PTPRT: variants seen among roughly 807,000 people sequenced by gnomAD.
The protein encoded by PTPRT is protein tyrosine phosphatase receptor type T, also known as receptor-type tyrosine-protein phosphatase T.
Under a neutral mutation model 176.8 loss-of-function variants are expected in PTPRT, and 56 were observed. The ratio of observed to expected loss-of-function variants is 0.32; its 90% confidence interval spans 0.26 to 0.40. The LOEUF (loss-of-function observed/expected upper bound fraction) is 0.40, where lower values mean the gene tolerates loss of function less well. Ranked by LOEUF, PTPRT falls within the 10% of genes least tolerant of loss-of-function variation. PTPRT has a pLI of 1.00. For missense variants in PTPRT, 1,540 were observed against 1,908.2 expected, an observed-to-expected ratio of 0.81 and a Z score of 3.60; for synonymous variants, 783 against 739.0, an observed-to-expected ratio of 1.06 and a Z score of -0.96.
At chr20:42,802,629 A>AT (rs970832567) in intron 2 of PTPRT, among the ~76,000 whole-genome samples, 1 of 152,298 alleles carries the variant, frequency 6.6e-6, no homozygotes, top group Non-Finnish European at 1.5e-5. Flanking sequence ...ACGTAAAGGT[A>AT]TTTTTTTCTT....
chr20:42,294,562 A>G (rs1295058058), intron 12 of PTPRT, among the ~76,000 whole-genome samples: 1 of 152,160 alleles, frequency 6.6e-6, no homozygotes, highest in Non-Finnish European at 1.5e-5. Flanking sequence ...TTCTGAACTG[A>G]GAATCGTATA....
chr20:42,699,317 T>C (rs2075936779), intron 6 of PTPRT, among the ~76,000 whole-genome samples: 1 of 152,138 alleles, frequency 6.6e-6, no homozygotes, highest in Non-Finnish European at 1.5e-5. Context: ...GTTTCTTCCT[T>C]CAAGGCCCTG....
intron 1 of PTPRT, among the ~76,000 whole-genome samples, chr20:43,152,492 C>T (rs982775786): frequency 2.0e-5 from 3 of 152,162 alleles, no homozygotes; most frequent in African/African-American, 7.2e-5. Flanking sequence ...TTCTCTGCCC[C>T]CTGCTAGACT....
At chr20:43,087,470 C>T (rs770050361) in intron 1 of PTPRT, among the ~76,000 whole-genome samples, 7 of 150,272 alleles carry the variant, frequency 4.7e-5, no homozygotes, top group Non-Finnish European at 8.9e-5. Flanking sequence ...TTCAAGTGAT[C>T]CTCCCACATC....
At position 42,184,535 on chromosome 20, in the gene PTPRT, C is replaced by CTTCTTCTTCTTCTTCTTCT. The variant is rs1568652084; in HGVS notation, c.2491+14704_2491+14705insAGAAGAAGAAGAAGAAGAA. Among the ~76,000 whole-genome samples, 88 of 36,634 alleles carry CTTCTTCTTCTTCTTCTTCT rather than the reference C, an allele frequency of 2.4e-3. 4 individuals are homozygous for CTTCTTCTTCTTCTTCTTCT. Among genetic ancestry groups the CTTCTTCTTCTTCTTCTTCT allele is most frequent in the South Asian group, 4.6e-3 (3 of 650 alleles). 24.0% of individuals were successfully genotyped at this position (36,634 alleles called of 152,430 possible). A position where few individuals can be genotyped will look rare whatever the true frequency, so the allele number is the denominator to read the frequency against. ...CTCCTCCTCCTTCTTCTTCTTCTTC[C>CTTCTTCTTCTTCTTCTTCT]TCTTCCTCTTCTTCTTCTTCTTCTT... On this transcript the variant is annotated intron_variant, in intron 16 of 30. Transcript: ENST00000373187.
intron 1 of PTPRT, among the ~76,000 whole-genome samples, chr20:42,890,008 G>A (rs1328691306): frequency 6.6e-6 from 1 of 152,164 alleles, no homozygotes; most frequent in Non-Finnish European, 1.5e-5. Context: ...AACCATTTCA[G>A]GTGCTTTGAT....
At chr20:42,373,302 G>A (rs887748179) in intron 9 of PTPRT, among the ~76,000 whole-genome samples, 3 of 152,206 alleles carry the variant, frequency 2.0e-5, no homozygotes, top group Non-Finnish European at 2.9e-5. Flanking sequence ...AGCCTTGTAA[G>A]TGTCACCAAA....
At chr20:42,438,678 C>T (rs1044458672) in intron 9 of PTPRT, among the ~76,000 whole-genome samples, 2 of 152,176 alleles carry the variant, frequency 1.3e-5, no homozygotes, top group Admixed American at 1.3e-4. Flanking sequence ...TTCACATGTG[C>T]GCAGTGCAGG....
At chr20:43,097,396 T>C (rs2012215292) in intron 1 of PTPRT, among the ~76,000 whole-genome samples, 1 of 152,166 alleles carries the variant, frequency 6.6e-6, no homozygotes, top group African/African-American at 2.4e-5. Context: ...ATGGTGGCCA[T>C]CACAACAAAG....
At chr20:42,369,049 C>T (rs1367249669) in intron 9 of PTPRT, among the ~76,000 whole-genome samples, 1 of 151,174 alleles carries the variant, frequency 6.6e-6, no homozygotes, top group Non-Finnish European at 1.5e-5. Flanking sequence ...TCTCCCCTTC[C>T]CTCCTTCCTT....
At chr20:42,804,685 T>C (rs1202121493) in intron 2 of PTPRT, among the ~76,000 whole-genome samples, 1 of 152,214 alleles carries the variant, frequency 6.6e-6, no homozygotes, top group Admixed American at 6.5e-5. Flanking sequence ...GGTTGGTTCT[T>C]TCTGAGGCCA....
intron 1 of PTPRT, among the ~76,000 whole-genome samples, chr20:43,005,298 T>A (rs946579362): frequency 3.9e-5 from 6 of 152,148 alleles, no homozygotes; most frequent in Non-Finnish European, 8.8e-5. Context: ...CCGCATCTTG[T>A]TGCTTCTTTC....
At chr20:42,151,024 C>T (rs1490165761) in intron 17 of PTPRT, among the ~76,000 whole-genome samples, 1 of 152,180 alleles carries the variant, frequency 6.6e-6, no homozygotes, top group Non-Finnish European at 1.5e-5. Context: ...TGCCCAGAAT[C>T]TTCCATCTTC....
Position 42,543,468 on chromosome 20 carries a change from C to T in PTPRT, c.1154-70906G>A, listed in dbSNP as rs114116754. Among the ~76,000 whole-genome samples the T allele has an allele frequency of 2.8e-3, 426 of 152,200 alleles. 1 individual carries two copies. The highest frequency in any genetic ancestry group is 9.9e-3 in the African/African-American group (413 of 41,546). ...ATATCTTCAGGCTTCATATCTAATT[C>T]TATTTATTTTGCTATTTCCACCACA... On this transcript the variant is annotated intron_variant, in intron 7 of 30. Coordinates refer to ENST00000373187, the MANE Select transcript of PTPRT (RefSeq NM_007050.6).
chr20:43,126,563 T>A (rs2013446976), intron 1 of PTPRT, among the ~76,000 whole-genome samples: 1 of 152,228 alleles, frequency 6.6e-6, no homozygotes, highest in Non-Finnish European at 1.5e-5. Context: ...AGATTTCACC[T>A]GAACTCTGTA....
At chr20:42,288,828 C>A (rs1224834070) in intron 12 of PTPRT, among the ~76,000 whole-genome samples, 2 of 151,942 alleles carry the variant, frequency 1.3e-5, no homozygotes, top group African/African-American at 4.8e-5. Flanking sequence ...GATAGACATA[C>A]AAGTGCATGT....
At chr20:42,505,187 G>C (rs2071822626) in intron 7 of PTPRT, among the ~76,000 whole-genome samples, 1 of 152,066 alleles carries the variant, frequency 6.6e-6, no homozygotes, top group Non-Finnish European at 1.5e-5. Flanking sequence ...AAATATGCCT[G>C]GTAGCATTCA....
rs755992110 is a variant in PTPRT at position 42,102,207 on chromosome 20, C to T, written c.3631G>A (p.Val1211Met). Residue 1211 changes from valine (V) to methionine (M), a missense_variant, in exon 26 of 31, where the codon GTG becomes ATG. Around this residue, in one of 11 missense-constraint regions of PTPRT, gnomAD observed 342 missense variants for 394.0 expected, o/e 0.87. Transcript: ENST00000373187. ...GGCAGGCAGCGGTCCAGAGGCAGCA[C>T]GTCCATACTTCGATTCTTATCATGG... is the stretch of plus-strand genomic sequence containing the variant. ...RNHDKNRSMD[V>M]LPLDRCLPFL... 17 of 1,614,184 alleles carry T rather than the reference C, an allele frequency of 1.1e-5. No individual in the cohort carries two copies. Among genetic ancestry groups the T allele is most frequent in the Middle Eastern group, 3.3e-4 (2 of 6,060 alleles).
chr20:42,170,287 T>G (rs1990022421), intron 16 of PTPRT, among the ~76,000 whole-genome samples: 1 of 152,248 alleles, frequency 6.6e-6, no homozygotes, highest in African/African-American at 2.4e-5. Flanking sequence ...ACTTGCTGCT[T>G]AAGCCATTTT....
Sources: gnomAD v4.1 joint callset for allele counts (sites outside exome capture counted in the v4.1 genomes callset) on GRCh38, gnomAD v4.1.1 for gene constraint, gnomAD v4.1.1 regional missense constraint, MANE v1.5 for transcripts, NCBI Gene and HGNC (gene_info 2026-07-23, HGNC 2026-07-21) for gene names.